Variants in FMNL2 observed in about 807,000 individuals in gnomAD.
The protein encoded by FMNL2 is formin-like protein 2.
Under a neutral mutation model 130.2 loss-of-function variants are expected in FMNL2, and 51 were observed. The ratio of observed to expected loss-of-function variants is 0.39; its 90% CI spans 0.31 to 0.49. The LOEUF is 0.49. Among genes scored for constraint, FMNL2 ranks in the 20% least tolerant of loss-of-function variants. FMNL2 has a pLI of 0.85. For synonymous variants in FMNL2, 465 were observed against 467.1 expected (o/e 1.00, Z 0.06); for missense variants, 977 against 1,316.2 (o/e 0.74, Z 3.99).
At chr2:152,357,095 A>AGTTTAATGTATCACGATAAATATTACATC (rs1682858406) in intron 1 of FMNL2, among the ~76,000 whole-genome samples, 3 of 77,264 alleles carry the variant, frequency 3.9e-5, no homozygotes, top group African/African-American at 1.4e-4. Context: ...AATATTACAT[A>AGTTTAATGTATCACGATAAATATTACATC]AGTTTAATGT....
chr2:152,646,688 T>G (rs923205220), intron 25 of FMNL2, among the ~76,000 whole-genome samples: 6 of 152,300 alleles, frequency 3.9e-5, no homozygotes, highest in African/African-American at 1.4e-4. Context: ...AAGATTCAAT[T>G]TGGTTTAATT....
At chr2:152,346,319 C>T (rs1682120213) in intron 1 of FMNL2, among the ~76,000 whole-genome samples, 1 of 152,168 alleles carries the variant, frequency 6.6e-6, no homozygotes, top group South Asian at 2.1e-4. Context: ...GCCACTGCAC[C>T]TGGCCTATAC....
intron 15 of FMNL2, chr2:152,622,695 G>A (rs1488080671): frequency 1.3e-5 from 6 of 444,696 alleles, no homozygotes; most frequent in African/African-American, 4.1e-5. Flanking sequence ...TCTTGGTGGT[G>A]GCTGATGATG....
intron 9 of FMNL2, among the ~76,000 whole-genome samples, chr2:152,597,690 AT>A (rs2105803765): frequency 6.6e-6 from 1 of 152,314 alleles, no homozygotes; most frequent in East Asian, 1.9e-4. Flanking sequence ...ATTAAGTAAC[AT>A]CTTAGTAGTA....
chr2:152,404,062 G>T (rs552912805), intron 1 of FMNL2, among the ~76,000 whole-genome samples: 1 of 152,160 alleles, frequency 6.6e-6, no homozygotes, highest in Non-Finnish European at 1.5e-5. Flanking sequence ...GCGAGACTCC[G>T]TCTCAATAAA....
At chr2:152,482,417 A>C (rs1690575299) in intron 1 of FMNL2, among the ~76,000 whole-genome samples, 1 of 152,158 alleles carries the variant, frequency 6.6e-6, no homozygotes, top group African/African-American at 2.4e-5. Flanking sequence ...CAAGACTCAT[A>C]CTAGTATATT....
intron 21 of FMNL2, among the ~76,000 whole-genome samples, chr2:152,634,840 C>T (rs1682451334): frequency 6.6e-6 from 1 of 152,124 alleles, no homozygotes; most frequent in South Asian, 2.1e-4. Flanking sequence ...GCTGAGCATA[C>T]TTCTCAGATG....
intron 1 of FMNL2, among the ~76,000 whole-genome samples, chr2:152,470,751 G>T (rs1009387447): frequency 2.0e-5 from 3 of 152,174 alleles, no homozygotes; most frequent in Non-Finnish European, 2.9e-5. Flanking sequence ...AGATTGTCAT[G>T]GTGATATGCA....
At chr2:152,634,788 C>A (rs1406251237) in intron 21 of FMNL2, among the ~76,000 whole-genome samples, 1 of 152,188 alleles carries the variant, frequency 6.6e-6, no homozygotes, top group Non-Finnish European at 1.5e-5. Context: ...TTGACCAATG[C>A]TAGCTACAGG....
chr2:152,491,630 G>A (rs1691200959), intron 1 of FMNL2, among the ~76,000 whole-genome samples: 1 of 152,116 alleles, frequency 6.6e-6, no homozygotes, highest in African/African-American at 2.4e-5. Context: ...TCTTCATAAT[G>A]ACTACTTAAA....
intron 3 of FMNL2, among the ~76,000 whole-genome samples, chr2:152,543,258 C>T (rs1364526558): frequency 1.3e-5 from 2 of 152,070 alleles, no homozygotes; most frequent in African/African-American, 2.4e-5. Context: ...TTTAGCAGCT[C>T]CCCCCTACTC....
intron 9 of FMNL2, among the ~76,000 whole-genome samples, chr2:152,599,063 C>T (rs1697907492): frequency 6.6e-6 from 1 of 152,222 alleles, no homozygotes; most frequent in Admixed American, 6.5e-5. Context: ...AGAGAGAATT[C>T]ACCCTTCCTC....
At chr2:152,382,877 G>A (rs979052854) in intron 1 of FMNL2, among the ~76,000 whole-genome samples, 14 of 151,944 alleles carry the variant, frequency 9.2e-5, no homozygotes, top group African/African-American at 3.1e-4. Context: ...CATCAAAAAC[G>A]GACAACAAAC....
chr2:152,434,759 C>T (rs989902977), intron 1 of FMNL2, among the ~76,000 whole-genome samples: 1 of 151,942 alleles, frequency 6.6e-6, no homozygotes, highest in Non-Finnish European at 1.5e-5. Flanking sequence ...AGGCTTAGCT[C>T]CTTTAATTAT....
At chr2:152,603,826 T>C (rs1698218782) in intron 9 of FMNL2, among the ~76,000 whole-genome samples, 1 of 151,084 alleles carries the variant, frequency 6.6e-6, no homozygotes, top group Non-Finnish European at 1.5e-5. Context: ...TGTGTTTGTG[T>C]TGCTCAGTTA....
At chr2:152,528,466 C>T (rs1459696493) in intron 2 of FMNL2, among the ~76,000 whole-genome samples, 1 of 152,124 alleles carries the variant, frequency 6.6e-6, no homozygotes, top group Non-Finnish European at 1.5e-5. Flanking sequence ...TGTCTCTGGG[C>T]ATTCTTTGGC....
rs755235344 is a variant in FMNL2 at position 152,560,955 on chromosome 2, C to T, written c.516C>T (p.Ile172=). 29 of 1,609,018 alleles carry T rather than the reference C, an allele frequency of 1.8e-5. No homozygotes were observed. The highest frequency in any genetic ancestry group is 6.7e-5 in the African/African-American group (5 of 74,610). ...AATCAAAGCCCTGGAGTAGGTCCATCGAGGACCTGCACAGAGGGAGCAACC... is the reference window on the plus strand; with the variant it reads ...AATCAAAGCCCTGGAGTAGGTCCATTGAGGACCTGCACAGAGGGAGCAACC... ...VDKSKPWSRS[I]EDLHRGSNLP... is the part of the protein sequence containing the mutation. Residue 172 remains isoleucine, a synonymous_variant, in exon 6 of 26, where the codon ATC becomes ATT. Transcript: ENST00000288670.
chr2:152,533,171 T>C (rs1188176340), intron 2 of FMNL2, among the ~76,000 whole-genome samples: 7 of 152,224 alleles, frequency 4.6e-5, no homozygotes, highest in African/African-American at 9.6e-5. Context: ...TTATCTCTTA[T>C]GTTTTCTTCT....
At chr2:152,521,553 T>A (rs1189142020) in intron 1 of FMNL2, among the ~76,000 whole-genome samples, 2 of 152,164 alleles carry the variant, frequency 1.3e-5, no homozygotes, top group Admixed American at 6.5e-5. Context: ...GTGATTCTGA[T>A]CATTGTGTTC....
Sources: gnomAD v4.1 joint callset for allele counts (sites outside exome capture counted in the v4.1 genomes callset) on GRCh38, gnomAD v4.1.1 for gene constraint, MANE v1.5 for transcripts, NCBI Gene and HGNC (gene_info 2026-07-23, HGNC 2026-07-21) for gene names.